Variants in FAM135B observed in about 807,000 individuals in gnomAD.
The protein encoded by FAM135B is family with sequence similarity 135 member B.
FAM135B carries 43 observed loss-of-function variants against 127.7 expected under a neutral mutation model. The ratio of observed to expected loss-of-function variants is 0.34; its 90% confidence interval spans 0.26 to 0.43. The LOEUF is 0.43. FAM135B is among the 20% of genes least tolerant of loss of function. The pLI, the probability that FAM135B is intolerant of heterozygous loss-of-function variation, is 1.00. For missense variants in FAM135B, 1,558 were observed against 1,725.6 expected (o/e 0.90, Z 1.72); for synonymous variants, 670 against 665.1 (o/e 1.01, Z -0.11).
intron 11 of FAM135B, among the ~76,000 whole-genome samples, chr8:138,175,846 C>T (rs138794618): frequency 6.6e-6 from 1 of 152,132 alleles, no homozygotes; most frequent in South Asian, 2.1e-4. Flanking sequence ...GTATACAGCA[C>T]CTTTACTATA....
At chr8:138,429,866 C>T (rs756194409) in intron 1 of FAM135B, among the ~76,000 whole-genome samples, 7 of 152,094 alleles carry the variant, frequency 4.6e-5, no homozygotes, top group Non-Finnish European at 8.8e-5. Flanking sequence ...CTCCAACTAC[C>T]ATACTGGAGA....
At chr8:138,163,826 T>G (rs2130871575) in intron 12 of FAM135B, among the ~76,000 whole-genome samples, 1 of 152,260 alleles carries the variant, frequency 6.6e-6, no homozygotes, top group South Asian at 2.1e-4. Flanking sequence ...TTTTGTTAGT[T>G]GTTTTTTCCT....
intron 5 of FAM135B, among the ~76,000 whole-genome samples, chr8:138,251,353 C>T (rs1821683357): frequency 6.6e-6 from 1 of 152,140 alleles, no homozygotes; most frequent in South Asian, 2.1e-4. Context: ...ACTTTTTCCA[C>T]TTCTTTATCT....
chr8:138,314,963 A>G (rs960543202), intron 2 of FAM135B, among the ~76,000 whole-genome samples: 15 of 151,756 alleles, frequency 9.9e-5, no homozygotes, highest in Non-Finnish European at 2.9e-5. Flanking sequence ...TGGAACCACA[A>G]AAGATATTAA....
Position 138,405,884 on chromosome 8 carries a change from T to C in FAM135B, c.-19-37882A>G, listed in dbSNP as rs1407126596. ...ATCCTCTCCAGCACCTGTTGTTTCCTGACTTTTTAATGTTTGCCATTCTAA... is the reference window on the plus strand; with the variant it reads ...ATCCTCTCCAGCACCTGTTGTTTCCCGACTTTTTAATGTTTGCCATTCTAA... On this transcript the variant is annotated intron_variant, in intron 1 of 19. Transcript: ENST00000395297. Among the ~76,000 whole-genome samples the C allele has an allele frequency of 6.6e-5, 10 of 152,124 alleles. No individual in the cohort carries two copies. The East Asian group carries it at 1.9e-3, about 30-fold the overall frequency.
At chr8:138,205,560 C>G (rs1817488298) in intron 7 of FAM135B, among the ~76,000 whole-genome samples, 1 of 152,166 alleles carries the variant, frequency 6.6e-6, no homozygotes, top group African/African-American at 2.4e-5. Context: ...CTGGGAAAAT[C>G]ACTTACCTTT....
At position 138,159,278 on chromosome 8, in the gene FAM135B, C is replaced by CAAAAAAAAAAAA. The variant is rs1441016128; in HGVS notation, c.1259-6074_1259-6063dup. Reference sequence around the variant, plus strand: ...TGGGCGACAGAGCGAGACTCCGTCTCAAAAAAAAAAAAAGACACATGCACA... The same window carrying CAAAAAAAAAAAA: ...TGGGCGACAGAGCGAGACTCCGTCTCAAAAAAAAAAAAAAAAAAAAAAAAAGACACATGCACA... On this transcript the variant is annotated intron_variant, in intron 12 of 19. Transcript: ENST00000395297. Among the ~76,000 whole-genome samples, 20 of 31,630 alleles carry CAAAAAAAAAAAA rather than the reference C, an allele frequency of 6.3e-4. 1 individual carries two copies. Among genetic ancestry groups the CAAAAAAAAAAAA allele is most frequent in the African/African-American group, 2.1e-3 (18 of 8,688 alleles). The allele number at this position is 31,630 out of a possible 152,430, so 20.8% of individuals were successfully genotyped here. A position where few individuals can be genotyped will look rare whatever the true frequency, so the allele number is the denominator to read the frequency against.
At chr8:138,377,477 T>C (rs1831556414) in intron 1 of FAM135B, among the ~76,000 whole-genome samples, 1 of 152,196 alleles carries the variant, frequency 6.6e-6, no homozygotes, top group African/African-American at 2.4e-5. Context: ...GGTGTTCCCC[T>C]GTCCATGGTA....
At chr8:138,414,119 CATATAT>C (rs60918986) in intron 1 of FAM135B, among the ~76,000 whole-genome samples, 10 of 124,686 alleles carry the variant, frequency 8.0e-5, no homozygotes, top group African/African-American at 2.6e-4. Context: ...CACACAAATA[CATATAT>C]ATATATATAT....
At chr8:138,249,273 G>A (rs1244525520) in intron 6 of FAM135B, among the ~76,000 whole-genome samples, 3 of 152,126 alleles carry the variant, frequency 2.0e-5, no homozygotes, top group Non-Finnish European at 4.4e-5. Flanking sequence ...TTGCTTTCTG[G>A]ATTCTATGTC....
In FAM135B at chr8:138,226,654, C is replaced by T. The variant is rs189945011; in HGVS notation, c.669+16288G>A. ...TCAGCTCACTGCAACCACCACCTCCCAGGTTCAAGCTATTCTCCTGCCTCA... is the reference window on the plus strand; with the variant it reads ...TCAGCTCACTGCAACCACCACCTCCTAGGTTCAAGCTATTCTCCTGCCTCA... On this transcript the variant is annotated intron_variant, in intron 7 of 19. Transcript: ENST00000395297. Among the ~76,000 whole-genome samples the T allele has an allele frequency of 4.0e-3, 610 of 152,190 alleles. 2 individuals are homozygous for T. The highest frequency in any genetic ancestry group is 0.014 in the African/African-American group (577 of 41,526).
chr8:138,440,427 C>T (rs1835694517), intron 1 of FAM135B: 1 of 144,198 alleles, frequency 6.9e-6, no homozygotes, highest in South Asian at 2.2e-4. Flanking sequence ...AAAATATGGG[C>T]TTTATATTTA....
intron 3 of FAM135B, among the ~76,000 whole-genome samples, chr8:138,309,578 C>T (rs975805117): frequency 1.3e-5 from 2 of 152,180 alleles, no homozygotes; most frequent in Non-Finnish European, 2.9e-5. Flanking sequence ...GGAACCAGGT[C>T]CCCCTCCAGA....
intron 2 of FAM135B, among the ~76,000 whole-genome samples, chr8:138,349,362 C>T (rs773378334): frequency 2.0e-5 from 3 of 152,266 alleles, no homozygotes; most frequent in Admixed American, 6.5e-5. Flanking sequence ...TCACAGAGTA[C>T]CCTGCATGGC....
chr8:138,324,046 G>C (rs1242300306), intron 2 of FAM135B, among the ~76,000 whole-genome samples: 1 of 152,196 alleles, frequency 6.6e-6, no homozygotes, highest in African/African-American at 2.4e-5. Context: ...GCACATATCT[G>C]TCCAGGAAAC....
chr8:138,245,255 T>G (rs1821187122), intron 6 of FAM135B, among the ~76,000 whole-genome samples: 1 of 152,168 alleles, frequency 6.6e-6, no homozygotes, highest in Admixed American at 6.5e-5. Flanking sequence ...TCCCAAATTC[T>G]CAATAGAATA....
At chr8:138,314,435 T>C (rs1587059436) in intron 2 of FAM135B, among the ~76,000 whole-genome samples, 1 of 151,726 alleles carries the variant, frequency 6.6e-6, no homozygotes, top group African/African-American at 2.4e-5. Flanking sequence ...AACTCAGTAG[T>C]AAAAACAAAC....
At chr8:138,153,253 T>C (rs776175712) in intron 12 of FAM135B, 37 bp from the exon 13 acceptor site, 2 of 1,438,682 alleles carry the variant, frequency 1.4e-6, no homozygotes, top group Non-Finnish European at 1.9e-6. Context: ...TATTATAGTG[T>C]AAGAATCTGT....
chr8:138,167,848 A>G, intron 12 of FAM135B, 47 bp downstream of exon 12: 1 of 1,544,638 alleles, frequency 6.5e-7, no homozygotes, highest in Non-Finnish European at 8.8e-7. Flanking sequence ...TCAGAATCCC[A>G]CTGGAAAGCC....
Sources: gnomAD v4.1 joint callset for allele counts (sites outside exome capture counted in the v4.1 genomes callset) on GRCh38, gnomAD v4.1.1 for gene constraint, MANE v1.5 for transcripts, NCBI Gene and HGNC (gene_info 2026-07-23, HGNC 2026-07-21) for gene names.